The following HEATR5B variants were observed in gnomAD, a reference collection of about 807,000 sequenced individuals.
HEATR5B encodes HEAT repeat-containing protein 5B.
A neutral mutation model predicts 224.1 loss-of-function variants in HEATR5B; 156 were observed. The observed-to-expected ratio is 0.70, with a 90% CI of 0.61 to 0.80. HEATR5B has a LOEUF of 0.80. Among genes scored for constraint, HEATR5B ranks in the 30% least tolerant of loss-of-function variants. HEATR5B has a pLI of 0.00. For synonymous variants in HEATR5B, 1,027 were observed against 893.0 expected (o/e 1.15, Z -2.68); for missense variants, 2,323 against 2,535.5 (o/e 0.92, Z 1.80).
At chr2:37,082,399 G>T (rs1672638539) in intron 2 of HEATR5B, among the ~76,000 whole-genome samples, 3 of 152,008 alleles carry the variant, frequency 2.0e-5, no homozygotes, top group African/African-American at 7.3e-5. Context: ...TTTAAAGACA[G>T]AATATAAAAT....
rs1334637352 is a variant in HEATR5B at position 37,059,455 on chromosome 2, TATATATATA to T, written c.1850-477_1850-469del. Among the ~76,000 whole-genome samples, 13 of 107,832 alleles carry T rather than the reference TATATATATA, an allele frequency of 1.2e-4. No homozygotes were observed. In the South Asian group the frequency reaches 2.1e-3, roughly 18 times the overall value. The allele number at this position is 107,832 out of a possible 152,430, so 70.7% of individuals were successfully genotyped here. On this transcript the variant is annotated intron_variant, in intron 12 of 35. Coordinates refer to ENST00000233099, the MANE Select transcript of HEATR5B (RefSeq NM_019024.3). ...GTGTGTGTGTGTGTGTGTATATATATATATATATATTTTTTTTTTTTTTTTTTTGAGAGA... is the reference window on the plus strand; with the variant it reads ...GTGTGTGTGTGTGTGTGTATATATATTTTTTTTTTTTTTTTTTTTGAGAGA...
chr2:36,986,754 T>G (rs1225655610), intron 35 of HEATR5B, among the ~76,000 whole-genome samples: 4 of 152,080 alleles, frequency 2.6e-5, no homozygotes, highest in Non-Finnish European at 2.9e-5. Flanking sequence ...GTAGCTGGGA[T>G]TACAGGCGCA....
At position 37,028,134 on chromosome 2, in the gene HEATR5B, T is replaced by C. The variant is rs1668896673; in HGVS notation, c.3642A>G (p.Glu1214=). 1 of 1,609,444 alleles carries C rather than the reference T, an allele frequency of 6.2e-7. No homozygotes were observed. The highest frequency in any genetic ancestry group is 8.5e-7 in the Non-Finnish European group (1 of 1,175,720). The change falls in exon 24 of 36, where the codon GAA becomes GAG. Residue 1214 remains glutamate, a synonymous_variant. Coordinates refer to ENST00000233099, the MANE Select transcript of HEATR5B (RefSeq NM_019024.3). ...TATLLSSGKD[E]EAEKKDEMDD... ...CCATCTCATCTTTCTTTTCAGCTTC[T>C]TCATCTTTTCCACTACTTAAGAGAG...
At chr2:37,060,017 C>T (rs1201750613) in intron 12 of HEATR5B, among the ~76,000 whole-genome samples, 7 of 152,132 alleles carry the variant, frequency 4.6e-5, no homozygotes, top group South Asian at 2.1e-4. Context: ...AGAACTGGTA[C>T]ATCCAATGTC....
At chr2:36,988,400 C>T (rs534722014) in intron 35 of HEATR5B, among the ~76,000 whole-genome samples, 1 of 151,894 alleles carries the variant, frequency 6.6e-6, no homozygotes, top group Non-Finnish European at 1.5e-5. Context: ...GTAGCTGGGA[C>T]AGCAGGTGTG....
intron 7 of HEATR5B, among the ~76,000 whole-genome samples, chr2:37,069,900 C>T (rs1373756338): frequency 3.6e-5 from 5 of 140,402 alleles, no homozygotes; most frequent in South Asian, 4.4e-4. Context: ...TGAACAAAAT[C>T]TTTTTTTTTT....
At chr2:37,009,531 C>T (rs963827669) in intron 27 of HEATR5B, among the ~76,000 whole-genome samples, 1 of 151,682 alleles carries the variant, frequency 6.6e-6, no homozygotes, top group Admixed American at 6.6e-5. Context: ...GAGCTATGAT[C>T]GTGCCACTGC....
At chr2:37,044,598 A>G (rs189846791) in intron 18 of HEATR5B, among the ~76,000 whole-genome samples, 1 of 152,214 alleles carries the variant, frequency 6.6e-6, no homozygotes, top group Admixed American at 6.5e-5. Flanking sequence ...ATGCACATAC[A>G]TTTTCATTTC....
chr2:37,071,221 T>C (rs569202954), intron 6 of HEATR5B, among the ~76,000 whole-genome samples: 1 of 152,048 alleles, frequency 6.6e-6, no homozygotes, highest in Non-Finnish European at 1.5e-5. Context: ...TGAAATAGGG[T>C]TTCACAGTTA....
intron 21 of HEATR5B, among the ~76,000 whole-genome samples, chr2:37,033,907 G>C (rs766987126): frequency 8.5e-5 from 13 of 152,106 alleles, no homozygotes; most frequent in Non-Finnish European, 1.6e-4. Flanking sequence ...GTATAAATCT[G>C]ACTCATGAAG....
At chr2:37,055,709 T>G (rs1039003242) in intron 16 of HEATR5B, among the ~76,000 whole-genome samples, 16 of 152,170 alleles carry the variant, frequency 1.1e-4, no homozygotes, top group African/African-American at 3.6e-4. Context: ...AGCAATTCTC[T>G]TGCCTTAGCC....
chr2:37,079,908 C>T (rs769909676), intron 2 of HEATR5B, among the ~76,000 whole-genome samples: 27 of 152,164 alleles, frequency 1.8e-4, no homozygotes, highest in Non-Finnish European at 3.4e-4. Flanking sequence ...TCCCTGCCCT[C>T]ATTAAGTTTA....
At chr2:36,994,231 G>A (rs1666534557) in intron 33 of HEATR5B, among the ~76,000 whole-genome samples, 1 of 152,032 alleles carries the variant, frequency 6.6e-6, no homozygotes. Context: ...CTAGGAGAAG[G>A]GTATGCTGGA....
chr2:37,048,448 G>C (rs554270879), intron 18 of HEATR5B, among the ~76,000 whole-genome samples: 1 of 152,062 alleles, frequency 6.6e-6, no homozygotes, highest in South Asian at 2.1e-4. Flanking sequence ...GGCTCCCAAA[G>C]TGCTGGGATT....
chr2:37,078,057 G>A (rs1200081235), intron 3 of HEATR5B, among the ~76,000 whole-genome samples: 1 of 152,218 alleles, frequency 6.6e-6, no homozygotes, highest in Non-Finnish European at 1.5e-5. Context: ...ATGCTTTGGA[G>A]TCTAGCAGAC....
At chr2:37,028,984 A>G in intron 22 of HEATR5B, 64 bp from the exon 23 acceptor site, 1 of 1,512,620 alleles carries the variant, frequency 6.6e-7, no homozygotes, top group South Asian at 1.2e-5. Flanking sequence ...GGTAACAATT[A>G]TGATAAAGAC....
At chr2:37,055,408 C>T (rs978691146) in intron 16 of HEATR5B, among the ~76,000 whole-genome samples, 4 of 152,078 alleles carry the variant, frequency 2.6e-5, no homozygotes, top group Admixed American at 1.3e-4. Context: ...AGTTGTATAA[C>T]CTTGGGTAAA....
At chr2:36,996,435 T>G (rs1666717482) in intron 33 of HEATR5B, among the ~76,000 whole-genome samples, 1 of 151,504 alleles carries the variant, frequency 6.6e-6, no homozygotes, top group South Asian at 2.1e-4. Flanking sequence ...TTTCTTTTTT[T>G]TTTTTTTGAA....
rs76517908 is a variant in HEATR5B at position 36,995,104 on chromosome 2, T to C, written c.5546-4305A>G. Among the ~76,000 whole-genome samples, 42 of 148,594 alleles carry C rather than the reference T, an allele frequency of 2.8e-4. 1 individual carries two copies. The highest frequency in any genetic ancestry group is 9.8e-4 in the African/African-American group (39 of 39,978). ...TATTCCTTGTTTTTTTTTTTTTTTT[T>C]CCTGAGATGGAGTCTTGCTCTGTCA... On this transcript the variant is annotated intron_variant, in intron 33 of 35. Transcript: ENST00000233099.
Sources: gnomAD v4.1 joint callset for allele counts (sites outside exome capture counted in the v4.1 genomes callset) on GRCh38, gnomAD v4.1.1 for gene constraint, MANE v1.5 for transcripts, NCBI Gene and HGNC (gene_info 2026-07-23, HGNC 2026-07-21) for gene names.